The following TPO variants were observed in gnomAD, a reference collection of about 807,000 sequenced individuals.
TPO encodes the protein thyroid microsomal antigen.
In TPO, 78 loss-of-function variants were observed where a neutral mutation model predicts 96.9. The observed-to-expected ratio is 0.81, with a 90% CI of 0.67 to 0.97. The LOEUF is 0.97. Ranked by LOEUF, TPO falls within the 50% of genes least tolerant of loss-of-function variation. The pLI, the probability that TPO is intolerant of heterozygous loss-of-function variation, is 0.00. For synonymous variants in TPO, 547 were observed against 538.0 expected (o/e 1.02, Z -0.23); for missense variants, 1,252 against 1,274.8 (o/e 0.98, Z 0.27).
chr2:1,534,553 A>ACC (rs1679111599), intron 15 of TPO, among the ~76,000 whole-genome samples: 1 of 33,846 alleles, frequency 3.0e-5, no homozygotes, highest in Non-Finnish European at 5.9e-5. Context: ...CCAAATCCCT[A>ACC]CCACTCTGTG....
Position 1,456,088 on chromosome 2 carries a change from A to T in TPO, c.625A>T (p.Thr209Ser). Residue 209 changes from threonine (T) to serine (S), a missense_variant, in exon 7 of 17, where the codon ACA (threonine) becomes TCA (serine). Transcript: ENST00000329066. ...GFPLPPVREV[T>S]RHVIQVSNEV... is the part of the protein sequence containing the mutation. ...TCTTCCTACCCAGGTCCGGGAGGTG[A>T]CAAGACATGTCATTCAAGTTTCAAA... 1 of 1,613,888 alleles carries T rather than the reference A, an allele frequency of 6.2e-7. No homozygotes were observed.
At chr2:1,471,425 A>G (rs956033868) in intron 7 of TPO, among the ~76,000 whole-genome samples, 1 of 151,492 alleles carries the variant, frequency 6.6e-6, no homozygotes, top group Admixed American at 6.6e-5. Context: ...AGTTAAGACT[A>G]TGTATTTTCC....
chr2:1,475,351 C>T (rs1669791807), intron 7 of TPO, among the ~76,000 whole-genome samples: 1 of 151,908 alleles, frequency 6.6e-6, no homozygotes. Context: ...CCCTGCTGGC[C>T]CCAAGTACTC....
At chr2:1,481,861 G>A (rs1558340585) in intron 8 of TPO, among the ~76,000 whole-genome samples, 1 of 152,082 alleles carries the variant, frequency 6.6e-6, no homozygotes, top group African/African-American at 2.4e-5. Flanking sequence ...GGTAGCTGTG[G>A]AGGCTGTTCC....
rs770410684 is a variant in TPO at position 1,516,985 on chromosome 2, A to G, written c.2618+3A>G. 1 of 1,613,670 alleles carries G rather than the reference A, an allele frequency of 6.2e-7. No homozygotes were observed. Among genetic ancestry groups the G allele is most frequent in the Non-Finnish European group, 8.5e-7 (1 of 1,179,960 alleles). On this transcript the variant is annotated splice_donor_region_variant and intron_variant, in intron 15 of 16. Transcript: ENST00000329066. Reference sequence around the variant, plus strand: ...ACCTCGACGGTGATTTGCAGGTGGTAAGTCCTTCACTTTTTGACTGTTACT... The same window carrying G: ...ACCTCGACGGTGATTTGCAGGTGGTGAGTCCTTCACTTTTTGACTGTTACT...
intron 7 of TPO, among the ~76,000 whole-genome samples, chr2:1,464,551 C>T (rs534745635): frequency 1.3e-5 from 2 of 152,134 alleles, no homozygotes; most frequent in Non-Finnish European, 2.9e-5. Flanking sequence ...TCACCATATC[C>T]ACACCAACAT....
Position 1,507,693 on chromosome 2 carries a change from A to G in TPO, c.2518+3614A>G, listed in dbSNP as rs1258295135. Reference sequence around the variant, plus strand: ...TGATTTGGCTCTCTGTTTGTCTGTTATTGGTGTATAAGAATGCTTGTGATT... The same window carrying G: ...TGATTTGGCTCTCTGTTTGTCTGTTGTTGGTGTATAAGAATGCTTGTGATT... On this transcript the variant is annotated intron_variant, in intron 14 of 16. Coordinates refer to ENST00000329066, the MANE Select transcript of TPO (RefSeq NM_001206744.2). Among the ~76,000 whole-genome samples, 12 of 151,426 alleles carry G rather than the reference A, an allele frequency of 7.9e-5. No individual in the cohort carries two copies. In the South Asian group the frequency reaches 1.5e-3, roughly 18 times the overall value.
chr2:1,383,436 T>A (rs1307692608), intron 1 of TPO, among the ~76,000 whole-genome samples: 1 of 152,236 alleles, frequency 6.6e-6, no homozygotes, highest in Non-Finnish European at 1.5e-5. Flanking sequence ...TGAGAGATGA[T>A]ATCTCATTGT....
chr2:1,414,878 G>A (rs1294426794), intron 2 of TPO, among the ~76,000 whole-genome samples: 1 of 152,198 alleles, frequency 6.6e-6, no homozygotes, highest in Admixed American at 6.5e-5. Context: ...AGTTAAGAAA[G>A]CTACTGAGAT....
rs531559249 is a variant in TPO, at chr2:1,422,903, G to A, written c.95-142G>A. The A allele has an allele frequency of 1.1e-5, 9 of 831,914 alleles. No homozygotes were observed. The East Asian group carries it at 1.3e-4, about 12-fold the overall frequency. The allele number at this position is 831,914 out of a possible 1,614,324, so 51.5% of individuals were successfully genotyped here. ...GAAGTGAAGGCCTGTGGAGGGAAGC[G>A]ACCCCGGGACCTGGCTGCCTGCCTG... On this transcript the variant is annotated intron_variant, in intron 2 of 16. Coordinates refer to ENST00000329066, the MANE Select transcript of TPO (RefSeq NM_001206744.2).
chr2:1,516,701 G>A (rs1202977262), intron 14 of TPO, among the ~76,000 whole-genome samples, 182 bp from the exon 15 acceptor site: 3 of 152,150 alleles, frequency 2.0e-5, no homozygotes, highest in East Asian at 1.9e-4. Flanking sequence ...CGTCACATTC[G>A]GATCTGGACT....
intron 1 of TPO, among the ~76,000 whole-genome samples, chr2:1,383,166 A>G (rs921276864): frequency 6.6e-6 from 1 of 152,170 alleles, no homozygotes; most frequent in African/African-American, 2.4e-5. Context: ...TGCTATTGTG[A>G]GTAGTGCCGC....
At chr2:1,490,015 ACGAGGG>A (rs1671598515) in intron 10 of TPO, among the ~76,000 whole-genome samples, 1 of 99,878 alleles carries the variant, frequency 1.0e-5, no homozygotes, top group African/African-American at 4.2e-5. Context: ...AAGAGCCGCC[ACGAGGG>A]TCCCACACAG....
chr2:1,470,935 T>C (rs1023948726), intron 7 of TPO, among the ~76,000 whole-genome samples: 1 of 152,248 alleles, frequency 6.6e-6, no homozygotes, highest in African/African-American at 2.4e-5. Context: ...CGCAGTGCCA[T>C]ATTTACATGG....
intron 2 of TPO, among the ~76,000 whole-genome samples, chr2:1,422,398 C>CGCGCTGG (rs1553298334): frequency 3.7e-5 from 4 of 109,318 alleles, no homozygotes; most frequent in South Asian, 2.9e-4. Context: ...CGCGCTGGGC[C>CGCGCTGG]ATGGGGAGAG....
Position 1,477,428 on chromosome 2 carries a change from C to T in TPO, c.1162C>T (p.Pro388Ser). The change falls in exon 8 of 17, where the codon CCC (proline) becomes TCC (serine). Residue 388 changes from proline to serine, a missense_variant. Coordinates refer to ENST00000329066, the MANE Select transcript of TPO (RefSeq NM_001206744.2). ...CGGCATCCCCGGAGAGACCCGCGGGCCCTGCTTCCTGGCCGGAGACGGCCG... is the reference window on the plus strand; with the variant it reads ...CGGCATCCCCGGAGAGACCCGCGGGTCCTGCTTCCTGGCCGGAGACGGCCG... ...EPGIPGETRG[P>S]CFLAGDGRAS... The T allele has an allele frequency of 6.6e-7, 1 of 1,523,602 alleles. No individual in the cohort carries two copies. Among genetic ancestry groups the T allele is most frequent in the Non-Finnish European group, 8.8e-7 (1 of 1,139,700 alleles). 94.4% of individuals were successfully genotyped at this position (1,523,602 alleles called of 1,614,324 possible).
chr2:1,468,467 C>T (rs1488255739), intron 7 of TPO, among the ~76,000 whole-genome samples: 1 of 152,110 alleles, frequency 6.6e-6, no homozygotes, highest in Non-Finnish European at 1.5e-5. Context: ...ATTTATGAAG[C>T]TTAGCTTTGC....
chr2:1,410,193 C>T (rs1233562340), upstream of TPO, among the ~76,000 whole-genome samples: 1 of 152,186 alleles, frequency 6.6e-6, no homozygotes, highest in Admixed American at 6.5e-5. Context: ...TTGATTTAAT[C>T]ACCCCACAGT....
chr2:1,461,157 G>A (rs1047280573), intron 7 of TPO, among the ~76,000 whole-genome samples: 2 of 152,114 alleles, frequency 1.3e-5, no homozygotes, highest in Non-Finnish European at 2.9e-5. Flanking sequence ...CGTGGGGGAG[G>A]TTGGGGGGCC....
Sources: gnomAD v4.1 joint callset for allele counts (sites outside exome capture counted in the v4.1 genomes callset) on GRCh38, gnomAD v4.1.1 for gene constraint, MANE v1.5 for transcripts, NCBI Gene and HGNC (gene_info 2026-07-23, HGNC 2026-07-21) for gene names.